KMO: variants seen among roughly 807,000 people sequenced by gnomAD.
KMO encodes kynurenine 3-monooxygenase, also known as kynurenine 3-hydroxylase.
Under a neutral mutation model 57.8 loss-of-function variants are expected in KMO, and 24 were observed. The observed-to-expected ratio is 0.42, with a 90% CI of 0.30 to 0.58. The LOEUF is 0.58. KMO is among the 20% of genes least tolerant of loss of function. The pLI, the probability that KMO is intolerant of heterozygous loss-of-function variation, is 0.22. For missense variants in KMO, 483 were observed against 588.2 expected (o/e 0.82, Z 1.85); for synonymous variants, 210 against 193.6 (o/e 1.08, Z -0.70).
At chr1:241,532,610 C>CT in intron 1 of KMO, 112 bp downstream of exon 1, 1 of 773,826 alleles carries the variant, frequency 1.3e-6, no homozygotes, top group Non-Finnish European at 2.1e-6. Context: ...TGTGAAAACT[C>CT]TGATATTTAA....
At chr1:241,549,601 C>G in intron 2 of KMO, 76 bp from the exon 3 acceptor site, 1 of 805,478 alleles carries the variant, frequency 1.2e-6, no homozygotes, top group South Asian at 1.6e-5. Flanking sequence ...ACCAGTTGTT[C>G]AGATGCAGTA....
At chr1:241,586,594 A>G (rs1408326965) in intron 10 of KMO, 85 bp from the exon 11 acceptor site, 13 of 889,368 alleles carry the variant, frequency 1.5e-5, no homozygotes, top group East Asian at 7.5e-5. Flanking sequence ...ATCTTCACCA[A>G]TGGAATATCT....
At chr1:241,551,822 C>G (rs1296647724) in intron 4 of KMO, among the ~76,000 whole-genome samples, 2 of 152,174 alleles carry the variant, frequency 1.3e-5, no homozygotes, top group African/African-American at 4.8e-5. Context: ...CTCATTGAAA[C>G]TAGACCTGTG....
In KMO at chr1:241,566,632, T is replaced by G. The variant is rs749101789; in HGVS notation, c.809+20T>G. 32 of 1,611,752 alleles carry G rather than the reference T, an allele frequency of 2.0e-5. No homozygotes were observed. Among genetic ancestry groups the G allele is most frequent in the Non-Finnish European group, 2.7e-5 (32 of 1,178,386 alleles). On this transcript the variant is annotated intron_variant, in intron 9 of 14. Coordinates refer to ENST00000366559, the MANE Select transcript of KMO (RefSeq NM_003679.5). ...TGGAGAGTAAGTTGCAAGATGTGCCTTTTGCTCCATTTGTTTTAATTATTC... is the reference window on the plus strand; with the variant it reads ...TGGAGAGTAAGTTGCAAGATGTGCCGTTTGCTCCATTTGTTTTAATTATTC...
chr1:241,583,217 C>A (rs1324114281), intron 10 of KMO, among the ~76,000 whole-genome samples: 3 of 151,974 alleles, frequency 2.0e-5, no homozygotes, highest in Admixed American at 6.6e-5. Context: ...GTGGCCACCA[C>A]AGCTGGCACT....
At chr1:241,590,476 T>A (rs190314283) in intron 14 of KMO, among the ~76,000 whole-genome samples, 2 of 152,224 alleles carry the variant, frequency 1.3e-5, no homozygotes, top group African/African-American at 4.8e-5. Flanking sequence ...AAGGGAAGAA[T>A]CTCAAGATAG....
chr1:241,553,168 C>T (rs1000065693), intron 4 of KMO, among the ~76,000 whole-genome samples: 4 of 152,148 alleles, frequency 2.6e-5, no homozygotes, highest in African/African-American at 9.7e-5. Flanking sequence ...TAGCGCTTGA[C>T]TTGTTTATTC....
chr1:241,564,957 C>T (rs1287315811), intron 7 of KMO, 30 bp from the exon 8 acceptor site: 2 of 1,423,276 alleles, frequency 1.4e-6, no homozygotes, highest in Non-Finnish European at 2.0e-6. Context: ...TATGAATGCA[C>T]TAATCAATCA....
chr1:241,564,969 A>G lies in KMO; in HGVS notation c.616-18A>G, dbSNP rs756464383. 5.2e-6 allele frequency: 8 copies of G among 1,536,540 alleles called. No individual in the cohort carries two copies. The highest frequency in any genetic ancestry group is 2.3e-5 in the East Asian group (1 of 44,306). On this transcript the variant is annotated intron_variant, in intron 7 of 14. Coordinates refer to ENST00000366559, the MANE Select transcript of KMO (RefSeq NM_003679.5). The stretch of plus-strand genomic sequence containing the variant: ...CTATATGAATGCACTAATCAATCAT[A>G]TATTCTTTTTTCTGCAGTATGCCAT...
Position 241,594,963 on chromosome 1 carries a change from G to A in KMO, c.*2810G>A. The A allele has an allele frequency of 2.8e-6, 1 of 351,720 alleles. No homozygotes were observed. 21.8% of individuals were successfully genotyped at this position (351,720 alleles called of 1,614,324 possible). A position where few individuals can be genotyped will look rare whatever the true frequency, so the allele number is the denominator to read the frequency against. ...TCAATCTGCACACACTTTCTATGAGGGCAGGTACAACTATTAAGAGATTTT... is the reference window on the plus strand; with the variant it reads ...TCAATCTGCACACACTTTCTATGAGAGCAGGTACAACTATTAAGAGATTTT... On this transcript the variant is annotated 3_prime_UTR_variant, in exon 15 of 15. Coordinates refer to ENST00000366559, the MANE Select transcript of KMO (RefSeq NM_003679.5).
intron 1 of KMO, among the ~76,000 whole-genome samples, chr1:241,547,172 A>G (rs957873345): frequency 1.3e-5 from 2 of 152,212 alleles, no homozygotes; most frequent in African/African-American, 4.8e-5. Context: ...ATCAGAAAAA[A>G]TTCTTCATGA....
intron 3 of KMO, chr1:241,550,062 T>A (rs1029253353): frequency 1.8e-5 from 5 of 280,608 alleles, no homozygotes; most frequent in African/African-American, 4.4e-5. Context: ...GCATCCAGGA[T>A]AAAAGGAGCC....
chr1:241,552,461 C>G (rs1241578909), intron 4 of KMO, among the ~76,000 whole-genome samples: 1 of 152,146 alleles, frequency 6.6e-6, no homozygotes. Flanking sequence ...CTGGTCAGTT[C>G]CACAGCCTGT....
At chr1:241,582,828 G>A (rs777082922) in intron 10 of KMO, among the ~76,000 whole-genome samples, 1 of 152,162 alleles carries the variant, frequency 6.6e-6, no homozygotes, top group Non-Finnish European at 1.5e-5. Flanking sequence ...GCTTGTGGAT[G>A]TTTGTTGATA....
chr1:241,548,938 C>A, intron 2 of KMO, 40 bp downstream of exon 2: 1 of 1,383,668 alleles, frequency 7.2e-7, no homozygotes, highest in Non-Finnish European at 1.0e-6. Context: ...ACGCTGGGCA[C>A]GGTGGCTCCT....
chr1:241,576,081 C>T (rs1230318525), intron 10 of KMO, among the ~76,000 whole-genome samples: 1 of 151,276 alleles, frequency 6.6e-6, no homozygotes, highest in African/African-American at 2.4e-5. Context: ...AATAGCTACC[C>T]CTGCTTGCTT....
chr1:241,568,108 A>G (rs1054793786), intron 9 of KMO, among the ~76,000 whole-genome samples: 1 of 152,138 alleles, frequency 6.6e-6, no homozygotes, highest in Non-Finnish European at 1.5e-5. Context: ...ATTAATTTCA[A>G]TTTTGGTTTA....
Position 241,560,734 on chromosome 1 carries a change from G to A in KMO, c.431G>A (p.Gly144Glu). 1 of 1,613,242 alleles carries A rather than the reference G, an allele frequency of 6.2e-7. No homozygotes were observed. The highest frequency in any genetic ancestry group is 8.5e-7 in the Non-Finnish European group (1 of 1,179,222). ...CTGTTGAAATGTAATCCAGAGGAAG[G>A]AATGATCACAGTGCTTGGGTAACTA... ...HRLLKCNPEEGMITVLGSDKV... is the reference protein window; with the variant it reads ...HRLLKCNPEEEMITVLGSDKV... Residue 144 changes from glycine (G) to glutamate (E), a missense_variant, in exon 6 of 15, where the codon GGA becomes GAA. Gly to Glu is a moderately conservative substitution (Grantham distance 98, BLOSUM62 -2). Coordinates refer to ENST00000366559, the MANE Select transcript of KMO (RefSeq NM_003679.5).
chr1:241,550,814 C>A, intron 3 of KMO, 141 bp from the exon 4 acceptor site: 1 of 514,274 alleles, frequency 1.9e-6, no homozygotes, highest in South Asian at 3.5e-5. Flanking sequence ...GAGTTTCTAC[C>A]ACGTTGGGCT....
Sources: gnomAD v4.1 joint callset for allele counts (sites outside exome capture counted in the v4.1 genomes callset) on GRCh38, gnomAD v4.1.1 for gene constraint, MANE v1.5 for transcripts, NCBI Gene and HGNC (gene_info 2026-07-23, HGNC 2026-07-21) for gene names.